Variants in RAB27A observed in about 807,000 individuals in gnomAD.
RAB27A encodes ras-related protein Rab-27A.
A neutral mutation model predicts 20.8 loss-of-function variants in RAB27A; 17 were observed. The ratio of observed to expected loss-of-function variants is 0.82; its 90% CI spans 0.56 to 1.23. RAB27A has a LOEUF of 1.23. Ranked by LOEUF, RAB27A falls within the 50% of genes most tolerant of loss-of-function variation. The pLI, the probability that RAB27A is intolerant of heterozygous loss-of-function variation, is 0.00. For synonymous variants in RAB27A, 85 were observed against 92.8 expected (o/e 0.92, Z 0.48); for missense variants, 277 against 266.7 (o/e 1.04, Z -0.27).
chr15:55,209,910 GTA>G lies in RAB27A; in HGVS notation c.468-4207_468-4206del, dbSNP rs1319516936. ...TATACATATATACACATATGTGTGT[GTA>G]TGTATATACACACATATATGTATGT... On this transcript the variant is annotated intron_variant, in intron 6 of 6. Transcript: ENST00000336787. Among the ~76,000 whole-genome samples, 17 of 85,214 alleles carry G rather than the reference GTA, an allele frequency of 2.0e-4. No homozygotes were observed. The East Asian group carries it at 3.0e-3, about 15-fold the overall frequency. The allele number at this position is 85,214 out of a possible 152,430, so 55.9% of individuals were successfully genotyped here.
intron 2 of RAB27A, among the ~76,000 whole-genome samples, chr15:55,306,196 G>A (rs898318843): frequency 1.3e-5 from 2 of 152,124 alleles, no homozygotes; most frequent in African/African-American, 4.8e-5. Flanking sequence ...TTTGAGGTAT[G>A]GGTTATTTCC....
intron 2 of RAB27A, among the ~76,000 whole-genome samples, chr15:55,313,044 G>C (rs889866132): frequency 2.4e-4 from 36 of 152,144 alleles, no homozygotes; most frequent in African/African-American, 8.7e-4. Context: ...CCAGTCTAGA[G>C]CTAAGCAAAG....
At chr15:55,208,242 C>G (rs939972713) in intron 6 of RAB27A, among the ~76,000 whole-genome samples, 1 of 152,162 alleles carries the variant, frequency 6.6e-6, no homozygotes, top group Non-Finnish European at 1.5e-5. Flanking sequence ...GATACAAGAT[C>G]ATTTGTGTGA....
intron 2 of RAB27A, among the ~76,000 whole-genome samples, chr15:55,241,624 A>ATATG (rs377301086): frequency 0.044 from 5,183 of 117,514 alleles, 206 homozygotes; most frequent in Admixed American, 0.14. Context: ...ATATATATAT[A>ATATG]TGTGTGTATA....
chr15:55,296,538 C>G (rs2054950295), intron 2 of RAB27A, among the ~76,000 whole-genome samples: 1 of 151,998 alleles, frequency 6.6e-6, no homozygotes, highest in Admixed American at 6.6e-5. Flanking sequence ...AAAACTTGGT[C>G]TGGGAAGGAA....
Position 55,205,376 on chromosome 15 carries a change from G to A in RAB27A, c.*131C>T, listed in dbSNP as rs993461205. ...AATTTTAGAACCGGATGCTTTATTCGTAGGTCTAATGGGGATGGTGAGAAG... is the reference window on the plus strand; with the variant it reads ...AATTTTAGAACCGGATGCTTTATTCATAGGTCTAATGGGGATGGTGAGAAG... On this transcript the variant is annotated 3_prime_UTR_variant, in exon 7 of 7. Transcript: ENST00000336787. 103 of 885,106 alleles carry A rather than the reference G, an allele frequency of 1.2e-4. No individual in the cohort carries two copies. The highest frequency in any genetic ancestry group is 6.7e-4 in the African/African-American group (40 of 59,600). 54.8% of individuals were successfully genotyped at this position (885,106 alleles called of 1,614,324 possible).
At chr15:55,243,304 T>A (rs1896563532) in intron 2 of RAB27A, among the ~76,000 whole-genome samples, 1 of 152,192 alleles carries the variant, frequency 6.6e-6, no homozygotes, top group East Asian at 1.9e-4. Context: ...AATTTTTCAT[T>A]TACCTGTAGA....
intron 5 of RAB27A, among the ~76,000 whole-genome samples, chr15:55,227,684 C>T (rs1024648282): frequency 6.6e-6 from 1 of 152,138 alleles, no homozygotes; most frequent in Non-Finnish European, 1.5e-5. Flanking sequence ...CGAATCTTTG[C>T]CCAGGGTGAT....
chr15:55,237,855 A>G (rs1026289836), intron 2 of RAB27A, among the ~76,000 whole-genome samples: 1 of 152,180 alleles, frequency 6.6e-6, no homozygotes, highest in South Asian at 2.1e-4. Flanking sequence ...CACTTAGGGT[A>G]CAGGAAAAAA....
intron 1 of RAB27A, chr15:55,318,723 AAC>A (rs2055089290): frequency 9.6e-6 from 1 of 103,926 alleles, no homozygotes; most frequent in African/African-American, 6.6e-5. Context: ...CAAAAACAAA[AAC>A]AAAAAAAAAA....
chr15:55,288,503 A>G (rs1425115009), intron 1 of RAB27A, among the ~76,000 whole-genome samples: 4 of 152,174 alleles, frequency 2.6e-5, no homozygotes, highest in African/African-American at 9.7e-5. Context: ...CCTGGGCGAC[A>G]GAGTGAGACT....
chr15:55,254,614 G>T (rs1022843473), intron 2 of RAB27A, among the ~76,000 whole-genome samples: 1 of 152,158 alleles, frequency 6.6e-6, no homozygotes, highest in South Asian at 2.1e-4. Flanking sequence ...AGACAGGAAG[G>T]AACAGATATT....
intron 2 of RAB27A, among the ~76,000 whole-genome samples, chr15:55,304,261 GCAGCA>G (rs2054988204): frequency 1.3e-5 from 2 of 150,776 alleles, no homozygotes. Context: ...ATGCTTGAAG[GCAGCA>G]TGCTCGTTAA....
chr15:55,315,768 G>A (rs1301410984), intron 1 of RAB27A, among the ~76,000 whole-genome samples: 1 of 152,204 alleles, frequency 6.6e-6, no homozygotes, highest in African/African-American at 2.4e-5. Context: ...ATGCTGGTGA[G>A]GCTGTGGAGA....
At chr15:55,312,638 C>A (rs1443049054) in intron 2 of RAB27A, among the ~76,000 whole-genome samples, 2 of 151,670 alleles carry the variant, frequency 1.3e-5, no homozygotes, top group Non-Finnish European at 2.9e-5. Context: ...TCAACGAATG[C>A]AATATCTTCA....
chr15:55,235,559 A>C (rs1237500436), intron 2 of RAB27A, among the ~76,000 whole-genome samples: 1 of 152,180 alleles, frequency 6.6e-6, no homozygotes, highest in East Asian at 1.9e-4. Flanking sequence ...GGTAACAGTC[A>C]CTAAGTCTTA....
chr15:55,224,561 C>T (rs1895721247), intron 5 of RAB27A, among the ~76,000 whole-genome samples: 1 of 152,090 alleles, frequency 6.6e-6, no homozygotes, highest in South Asian at 2.1e-4. Context: ...GAAGAAAAGA[C>T]CCAGAATAAA....
intron 6 of RAB27A, chr15:55,206,191 A>G (rs987091038): frequency 7.5e-5 from 26 of 347,904 alleles, no homozygotes; most frequent in Middle Eastern, 1.4e-3. Context: ...AGCCTGGGCA[A>G]TAGAGTTAGA....
At chr15:55,256,320 G>C (rs1030216955) in intron 2 of RAB27A, among the ~76,000 whole-genome samples, 1 of 151,924 alleles carries the variant, frequency 6.6e-6, no homozygotes, top group East Asian at 1.9e-4. Context: ...AGGCTGAGGT[G>C]GGAGGATCAC....
Sources: allele counts gnomAD v4.1 joint callset (sites outside exome capture counted in the v4.1 genomes callset), GRCh38; gene constraint gnomAD v4.1.1; transcripts MANE v1.5; gene names NCBI Gene and HGNC (gene_info 2026-07-23, HGNC 2026-07-21).